The following PLG variants were observed in gnomAD, a reference collection of about 807,000 sequenced individuals.
PLG encodes the protein plasmin.
Under a neutral mutation model 104.4 loss-of-function variants are expected in PLG, and 41 were observed. That is an observed-to-expected ratio of 0.39 (90% CI 0.31 to 0.51). The LOEUF (loss-of-function observed/expected upper bound fraction) is 0.51, where lower values mean the gene tolerates loss of function less well. Ranked by LOEUF, PLG falls within the 20% of genes least tolerant of loss-of-function variation. PLG has a pLI of 0.76. For synonymous variants in PLG, 337 were observed against 357.1 expected (o/e 0.94, Z 0.63); for missense variants, 891 against 1,003.6 (o/e 0.89, Z 1.52).
chr6:160,704,591 TAA>T (rs1014010034), intron 1 of PLG, among the ~76,000 whole-genome samples: 1 of 152,202 alleles, frequency 6.6e-6, no homozygotes, highest in Admixed American at 6.5e-5. Context: ...AAGTGCGGGG[TAA>T]AGACATGGAT....
Position 160,718,329 on chromosome 6 carries a change from T to C in PLG, c.823T>C (p.Cys275Arg), listed in dbSNP as rs778686781. 6.2e-7 allele frequency: 1 copy of C among 1,614,056 alleles called. No homozygotes were observed. The highest frequency in any genetic ancestry group is 8.5e-7 in the Non-Finnish European group (1 of 1,179,888). ...PPPSSGPTYQ[C>R]LKGTGENYRG... ...ACCATCTTCTGGTCCCACCTACCAG[T>C]GTCTGAAGGGAACAGGTGAAAACTA... The change falls in exon 8 of 19, where the codon TGT (cysteine) becomes CGT (arginine). Residue 275 changes from cysteine to arginine, a missense_variant. This residue lies in a region of PLG where 854 missense variants were observed against 932.1 expected (regional missense o/e 0.92). Transcript: ENST00000308192.
chr6:160,718,646 A>G (rs776670665), intron 8 of PLG, 47 bp from the exon 9 acceptor site: 1 of 1,601,658 alleles, frequency 6.2e-7, no homozygotes, highest in Non-Finnish European at 8.6e-7. Flanking sequence ...GGTTCCCTAG[A>G]CTTTTTTCTT....
At chr6:160,729,008 T>C (rs545022407) in intron 10 of PLG, among the ~76,000 whole-genome samples, 60 of 152,308 alleles carry the variant, frequency 3.9e-4, no homozygotes, top group Middle Eastern at 6.8e-3. Flanking sequence ...TCCATATATC[T>C]GACAAATGGT....
chr6:160,733,844 CAGAAAAAAAAAA>C (rs1249253304), intron 12 of PLG, 139 bp from the exon 13 acceptor site: 7 of 373,254 alleles, frequency 1.9e-5, no homozygotes, highest in Non-Finnish European at 2.9e-5. Flanking sequence ...AACTCCACCT[CAGAAAAAAAAAA>C]AAAAAAAAAA....
chr6:160,719,774 T>G lies in PLG; in HGVS notation c.1096+936T>G, dbSNP rs955166593. On this transcript the variant is annotated intron_variant, in intron 9 of 18. Transcript: ENST00000308192. This position sits in a 1 kb window ranked among gnomAD's most constrained non-coding sequence, Gnocchi z 4.1. The stretch of plus-strand genomic sequence containing the variant: ...ATATGAATCCTTACATCATTGCAGT[T>G]CTACTTCCTCCCTCCCAAAATGCTA... Among the ~76,000 whole-genome samples the G allele has an allele frequency of 6.6e-6, 1 of 152,186 alleles. No homozygotes were observed. The highest frequency in any genetic ancestry group is 1.5e-5 in the Non-Finnish European group (1 of 68,000).
Position 160,702,273 on chromosome 6 carries a change from C to A in PLG, c.-32C>A, listed in dbSNP as rs769161551. On this transcript the variant is annotated 5_prime_UTR_variant, in exon 1 of 19. Coordinates refer to ENST00000308192, the MANE Select transcript of PLG (RefSeq NM_000301.5). ...GTCAACAACATCCTGGGATTGGGAC[C>A]CACTTTCTGGGCACTGCTGGCCAGT... 1.9e-5 allele frequency: 30 copies of A among 1,609,056 alleles called. No individual in the cohort carries two copies. Among genetic ancestry groups the A allele is most frequent in the South Asian group, 9.9e-5 (9 of 90,550 alleles).
Position 160,736,132 on chromosome 6 carries a change from T to G in PLG, c.1682-755T>G, listed in dbSNP as rs1449775080. Among the ~76,000 whole-genome samples, 1 of 152,232 alleles carries G rather than the reference T, an allele frequency of 6.6e-6. No individual in the cohort carries two copies. The highest frequency in any genetic ancestry group is 2.4e-5 in the African/African-American group (1 of 41,468). ...CAGAGAAGCATTTTTGAATACCCTC[T>G]GCAGCCCCTGCACTGTTGTAGGCAT... is the stretch of plus-strand genomic sequence containing the variant. On this transcript the variant is annotated intron_variant, in intron 13 of 18. Transcript: ENST00000308192. The surrounding 1 kb of genome is among the most constrained non-coding windows in gnomAD (Gnocchi z 5.2).
chr6:160,752,025 A>T lies in PLG; in HGVS notation c.2126-90A>T. 1 of 1,117,750 alleles carries T rather than the reference A, an allele frequency of 8.9e-7. No individual in the cohort carries two copies. The highest frequency in any genetic ancestry group is 1.4e-6 in the Non-Finnish European group (1 of 735,940). 69.2% of individuals were successfully genotyped at this position (1,117,750 alleles called of 1,614,324 possible). ...CCTCGTGTTCTGCAGCCTCACAGAC[A>T]GGAGGTCCAGTGCCGCTGCTCTGTT... is the stretch of plus-strand genomic sequence containing the variant. On this transcript the variant is annotated intron_variant, in intron 17 of 18. Coordinates refer to ENST00000308192, the MANE Select transcript of PLG (RefSeq NM_000301.5). This position sits in a 1 kb window ranked among gnomAD's most constrained non-coding sequence, Gnocchi z 4.7.
At chr6:160,729,367 A>G (rs1366024966) in intron 10 of PLG, among the ~76,000 whole-genome samples, 3 of 152,208 alleles carry the variant, frequency 2.0e-5, no homozygotes, top group Non-Finnish European at 4.4e-5. Context: ...AAAAACTGCA[A>G]TTCTATTCCT....
chr6:160,733,846 GAAAAAA>G (rs10540264), intron 12 of PLG, 143 bp from the exon 13 acceptor site: 104,471 of 342,334 alleles, frequency 0.31, 6,289 homozygotes, highest in East Asian at 0.41. Flanking sequence ...CTCCACCTCA[GAAAAAA>G]AAAAAAAAAA....
chr6:160,748,431 C>A (rs13199142), intron 17 of PLG, among the ~76,000 whole-genome samples: 3,435 of 54,042 alleles, frequency 0.064, 1,004 homozygotes, highest in East Asian at 0.35. Flanking sequence ...AGAAAGAGAA[C>A]GAAAGAAAGA....
chr6:160,725,880 T>G lies in PLG; in HGVS notation c.1256+3313T>G, dbSNP rs894088394. Among the ~76,000 whole-genome samples, 5 of 152,070 alleles carry G rather than the reference T, an allele frequency of 3.3e-5. No homozygotes were observed. Among genetic ancestry groups the G allele is most frequent in the African/African-American group, 1.2e-4 (5 of 41,438 alleles). On this transcript the variant is annotated intron_variant, in intron 10 of 18. Coordinates refer to ENST00000308192, the MANE Select transcript of PLG (RefSeq NM_000301.5). This position sits in a 1 kb window ranked among gnomAD's most constrained non-coding sequence, Gnocchi z 6.3. ...AAAGTTATTTCTTAAGTAAAAAAAG[T>G]TTATTCATCAAGACTTAACAATGCT... is the stretch of plus-strand genomic sequence containing the variant.
At chr6:160,747,181 T>C (rs1342963268) in intron 17 of PLG, among the ~76,000 whole-genome samples, 2 of 152,236 alleles carry the variant, frequency 1.3e-5, no homozygotes, top group East Asian at 3.8e-4. Flanking sequence ...ACAGGGGACC[T>C]ACAACTGGGG....
chr6:160,733,196 T>C (rs1778027341), intron 12 of PLG, among the ~76,000 whole-genome samples: 1 of 152,180 alleles, frequency 6.6e-6, no homozygotes, highest in Admixed American at 6.5e-5. Flanking sequence ...CAGTGTCATA[T>C]GAAGGGGAGG....
intron 4 of PLG, chr6:160,711,810 C>T: frequency 6.6e-7 from 1 of 1,513,564 alleles, no homozygotes; most frequent in Non-Finnish European, 8.8e-7. Context: ...TTAGAACTCT[C>T]ATCACATGTT....
intron 9 of PLG, among the ~76,000 whole-genome samples, chr6:160,721,662 C>T (rs887519234): frequency 1.3e-5 from 2 of 152,198 alleles, no homozygotes; most frequent in African/African-American, 4.8e-5. Context: ...ACTGAATGCT[C>T]ACTTTTTGGT....
Position 160,741,166 on chromosome 6 carries a change from T to G in PLG, c.2019-145T>G. The G allele has an allele frequency of 1.5e-6, 1 of 687,638 alleles. No individual in the cohort carries two copies. The highest frequency in any genetic ancestry group is 1.5e-5 in the South Asian group (1 of 66,092). The allele number at this position is 687,638 out of a possible 1,614,324, so 42.6% of individuals were successfully genotyped here. A position where few individuals can be genotyped will look rare whatever the true frequency, so the allele number is the denominator to read the frequency against. ...CCACAGGCAAATGTGAGGGTGAAAC[T>G]CTGTGTTCTACGTTGCTCTGTGTCA... On this transcript the variant is annotated intron_variant, in intron 16 of 18. Transcript: ENST00000308192. The surrounding 1 kb of genome is among the most constrained non-coding windows in gnomAD (Gnocchi z 4.7).
Position 160,740,171 on chromosome 6 carries a change from A to T in PLG, c.2018+963A>T, listed in dbSNP as rs1778165118. On this transcript the variant is annotated intron_variant, in intron 16 of 18. Transcript: ENST00000308192. This position sits in a 1 kb window ranked among gnomAD's most constrained non-coding sequence, Gnocchi z 5.2. ...CTCTCCTGGGCCTGGCCACAAGCCC[A>T]GGGCAGCTTCTCTGGGTCTGTGAAC... Among the ~76,000 whole-genome samples, 1 of 152,188 alleles carries T rather than the reference A, an allele frequency of 6.6e-6. No individual in the cohort carries two copies. The highest frequency in any genetic ancestry group is 2.4e-5 in the African/African-American group (1 of 41,456).
Position 160,752,822 on chromosome 6 carries a change from G to A in PLG, c.2272-78G>A. ...CAATTACTGGGAAAATGTATATATG[G>A]ATAGTAGAAGGATGGCATCCCATAA... is the stretch of plus-strand genomic sequence containing the variant. On this transcript the variant is annotated intron_variant, in intron 18 of 18. Transcript: ENST00000308192. This position sits in a 1 kb window ranked among gnomAD's most constrained non-coding sequence, Gnocchi z 4.7. 3 of 1,471,578 alleles carry A rather than the reference G, an allele frequency of 2.0e-6. No homozygotes were observed. The highest frequency in any genetic ancestry group is 2.3e-5 in the South Asian group (2 of 88,016). 91.2% of individuals were successfully genotyped at this position (1,471,578 alleles called of 1,614,324 possible).
Sources: allele counts gnomAD v4.1 joint callset (sites outside exome capture counted in the v4.1 genomes callset), GRCh38; gene constraint gnomAD v4.1.1; regional missense constraint gnomAD v4.1.1; non-coding constraint Gnocchi (gnomAD v3.1); transcripts MANE v1.5; gene names NCBI Gene and HGNC (gene_info 2026-07-23, HGNC 2026-07-21).